Variants in FKBP5 observed in about 807,000 individuals in gnomAD.
FKBP5 encodes the protein FKBP prolyl isomerase 5, also known as peptidyl-prolyl cis-trans isomerase FKBP5.
Under a neutral mutation model 50.5 loss-of-function variants are expected in FKBP5, and 23 were observed. That is an observed-to-expected ratio of 0.46 (90% CI 0.33 to 0.65). FKBP5 has a LOEUF of 0.65. Among genes scored for constraint, FKBP5 ranks in the 30% least tolerant of loss-of-function variants. The pLI is 0.02. For missense variants in FKBP5, 411 were observed against 553.1 expected (o/e 0.74, Z 2.58); for synonymous variants, 176 against 190.6 (o/e 0.92, Z 0.63).
chr6:35,592,668 G>C (rs1164306810), intron 6 of FKBP5, among the ~76,000 whole-genome samples: 1 of 152,174 alleles, frequency 6.6e-6, no homozygotes, highest in Non-Finnish European at 1.5e-5. Flanking sequence ...CTAAGCAGTT[G>C]CAAATGCAAC....
intron 8 of FKBP5, chr6:35,585,972 A>G: frequency 1.0e-6 from 1 of 984,874 alleles, no homozygotes; most frequent in Non-Finnish European, 1.2e-6. Context: ...TAATAATAGC[A>G]TGTCTTATAG....
chr6:35,644,131 T>C (rs560066863), intron 1 of FKBP5, among the ~76,000 whole-genome samples: 11 of 152,266 alleles, frequency 7.2e-5, no homozygotes, highest in Non-Finnish European at 1.3e-4. Flanking sequence ...TTAGCTCTTA[T>C]TGTTATTGGT....
intron 5 of FKBP5, among the ~76,000 whole-genome samples, chr6:35,605,821 G>T (rs1763296711): frequency 6.6e-6 from 1 of 152,166 alleles, no homozygotes; most frequent in South Asian, 2.1e-4. Context: ...TCAGTATGCG[G>T]CAAGTCCTAG....
intron 1 of FKBP5, among the ~76,000 whole-genome samples, chr6:35,677,440 G>C (rs1765558266): frequency 1.3e-5 from 2 of 152,218 alleles, no homozygotes; most frequent in Admixed American, 1.3e-4. Context: ...TAAGAAGAGA[G>C]TCTTCAAATA....
At chr6:35,581,319 G>A (rs1748372860) in intron 8 of FKBP5, 6 of 410,704 alleles carry the variant, frequency 1.5e-5, no homozygotes, top group African/African-American at 2.2e-5. Flanking sequence ...TATGAGAAAC[G>A]CTGGGGGCTG....
chr6:35,656,917 G>GA lies in FKBP5; in HGVS notation c.-19-14075dup, dbSNP rs1764969794. Among the ~76,000 whole-genome samples, 3 of 129,858 alleles carry GA rather than the reference G, an allele frequency of 2.3e-5. No individual in the cohort carries two copies. The Admixed American group carries it at 2.4e-4, about 10-fold the overall frequency. The allele number at this position is 129,858 out of a possible 152,430, so 85.2% of individuals were successfully genotyped here. ...TCTCAAAAAAAAAAAAAAGAAAAAA[G>GA]AAAAAGAAAAAAAGCCGGGCACGGT... On this transcript the variant is annotated intron_variant, in intron 1 of 10. Transcript: ENST00000357266.
intron 2 of FKBP5, among the ~76,000 whole-genome samples, chr6:35,717,349 C>A (rs556888927): frequency 1.3e-5 from 2 of 152,080 alleles, no homozygotes; most frequent in Non-Finnish European, 2.9e-5. Flanking sequence ...TGTGCCTGTG[C>A]GCCCATGTGT....
At chr6:35,594,619 C>G (rs1329083382) in intron 6 of FKBP5, among the ~76,000 whole-genome samples, 1 of 152,056 alleles carries the variant, frequency 6.6e-6, no homozygotes, top group Non-Finnish European at 1.5e-5. Flanking sequence ...ACACAGCATG[C>G]ATACACACAC....
intron 5 of FKBP5, among the ~76,000 whole-genome samples, chr6:35,599,723 A>G (rs1384247816): frequency 6.6e-6 from 1 of 152,180 alleles, no homozygotes; most frequent in Non-Finnish European, 1.5e-5. Context: ...CGCATATGGC[A>G]TTTTAGTTTA....
At chr6:35,576,102 A>G (rs1157231834) in intron 10 of FKBP5, among the ~76,000 whole-genome samples, 160 bp from the exon 11 acceptor site, 1 of 152,160 alleles carries the variant, frequency 6.6e-6, no homozygotes, top group African/African-American at 2.4e-5. Flanking sequence ...CAATAGTTAG[A>G]GTGGGAGCTT....
intron 8 of FKBP5, chr6:35,584,199 TAATA>T: frequency 1.0e-6 from 1 of 985,432 alleles, no homozygotes; most frequent in Non-Finnish European, 1.2e-6. Flanking sequence ...TACCTGTACT[TAATA>T]ATTATTTTCA....
intron 1 of FKBP5, among the ~76,000 whole-genome samples, chr6:35,666,698 G>T (rs901804076): frequency 2.0e-5 from 3 of 151,970 alleles, no homozygotes; most frequent in Non-Finnish European, 2.9e-5. Flanking sequence ...AGACCATCCT[G>T]GCCAACACAG....
At chr6:35,585,066 G>A in intron 8 of FKBP5, 2 of 985,288 alleles carry the variant, frequency 2.0e-6, no homozygotes, top group Non-Finnish European at 2.4e-6. Flanking sequence ...CTGTATCATA[G>A]CACCGATTAG....
rs368507692 is a variant in FKBP5 at position 35,631,147 on chromosome 6, C to A, written c.250+5867G>T. On this transcript the variant is annotated intron_variant, in intron 3 of 10. Coordinates refer to ENST00000357266, the MANE Select transcript of FKBP5 (RefSeq NM_004117.4). ...CTAGAATGGCTAAAGTTAAAAAGAT[C>A]GACAATACTACGTGTTAATAAGGAT... Among the ~76,000 whole-genome samples the A allele has an allele frequency of 1.2e-4, 18 of 152,254 alleles. No homozygotes were observed. The East Asian group carries it at 3.5e-3, about 29-fold the overall frequency.
intron 2 of FKBP5, among the ~76,000 whole-genome samples, chr6:35,639,071 C>A (rs7758162): frequency 3.3e-5 from 5 of 152,172 alleles, no homozygotes; most frequent in Non-Finnish European, 7.4e-5. Context: ...AGGTTCTATT[C>A]ATTTTTAAAA....
intron 1 of FKBP5, among the ~76,000 whole-genome samples, chr6:35,651,461 G>A (rs1226115443): frequency 1.3e-5 from 2 of 152,180 alleles, no homozygotes; most frequent in African/African-American, 4.8e-5. Context: ...GGGTGCTTGT[G>A]CGATGTCCAG....
intron 1 of FKBP5, among the ~76,000 whole-genome samples, chr6:35,655,248 C>A (rs913337656): frequency 2.0e-5 from 3 of 152,172 alleles, no homozygotes; most frequent in African/African-American, 7.2e-5. Context: ...CAACAACTAT[C>A]TACTGAATAC....
At chr6:35,592,609 C>T (rs1762856237) in intron 6 of FKBP5, among the ~76,000 whole-genome samples, 2 of 152,198 alleles carry the variant, frequency 1.3e-5, no homozygotes, top group South Asian at 4.1e-4. Context: ...TAGGTGAGTC[C>T]TTGCTAAGCA....
chr6:35,680,462 A>T (rs1302237265), intron 1 of FKBP5, among the ~76,000 whole-genome samples: 2 of 152,232 alleles, frequency 1.3e-5, no homozygotes, highest in Admixed American at 1.3e-4. Context: ...AATATCCATT[A>T]ATTATGCCTA....
Sources: gnomAD v4.1 joint callset for allele counts (sites outside exome capture counted in the v4.1 genomes callset) on GRCh38, gnomAD v4.1.1 for gene constraint, MANE v1.5 for transcripts, NCBI Gene and HGNC (gene_info 2026-07-23, HGNC 2026-07-21) for gene names.